The following UNC5D variants were observed in gnomAD, a reference collection of about 807,000 sequenced individuals.
UNC5D encodes netrin receptor UNC5D.
In UNC5D, 39 loss-of-function variants were observed where a neutral mutation model predicts 105.4. The ratio of observed to expected loss-of-function variants is 0.37; its 90% CI spans 0.29 to 0.48. UNC5D has a LOEUF of 0.48. Ranked by LOEUF, UNC5D falls within the 20% of genes least tolerant of loss-of-function variation. The pLI, the probability that UNC5D is intolerant of heterozygous loss-of-function variation, is 0.98. For synonymous variants in UNC5D, 452 were observed against 450.4 expected, an observed-to-expected ratio of 1.00 and a Z score of -0.04; for missense variants, 991 against 1,202.4, an observed-to-expected ratio of 0.82 and a Z score of 2.60.
At chr8:35,627,401 G>A (rs1225214697) in intron 4 of UNC5D, among the ~76,000 whole-genome samples, 1 of 152,138 alleles carries the variant, frequency 6.6e-6, no homozygotes, top group African/African-American at 2.4e-5. Flanking sequence ...AGCACACTCA[G>A]GGCATCTTTA....
chr8:35,534,017 C>T (rs1215839746), intron 1 of UNC5D, among the ~76,000 whole-genome samples: 1 of 152,092 alleles, frequency 6.6e-6, no homozygotes, highest in East Asian at 1.9e-4. Context: ...CTGCGTCGCT[C>T]ACGCTGGGAA....
intron 15 of UNC5D, among the ~76,000 whole-genome samples, chr8:35,767,323 G>A (rs1163065460): frequency 6.6e-6 from 1 of 152,138 alleles, no homozygotes; most frequent in Non-Finnish European, 1.5e-5. Flanking sequence ...ACTGGTACCA[G>A]GCTTTTGATA....
chr8:35,759,279 T>TAC, intron 13 of UNC5D, 41 bp from the exon 14 acceptor site: 5 of 1,606,004 alleles, frequency 3.1e-6, no homozygotes, highest in Non-Finnish European at 4.2e-6. Context: ...AGTAGCAGGA[T>TAC]ATTTCATTAT....
At position 35,720,931 on chromosome 8, in the gene UNC5D, G is replaced by A. The variant is rs899457188; in HGVS notation, c.1118-1279G>A. On this transcript the variant is annotated intron_variant, in intron 8 of 16. Transcript: ENST00000404895. Reference sequence around the variant, plus strand: ...TGAACCAGTTCTGCTTGATTTCCTCGTTCACTCTTTAATTTGGTAGCACCC... The same window carrying A: ...TGAACCAGTTCTGCTTGATTTCCTCATTCACTCTTTAATTTGGTAGCACCC... Among the ~76,000 whole-genome samples, 9 of 150,448 alleles carry A rather than the reference G, an allele frequency of 6.0e-5. No individual in the cohort carries two copies. In the South Asian group the frequency reaches 1.0e-3, roughly 18 times the overall value.
At chr8:35,498,084 C>CAAAAAAAAAAAAAAAAAAA (rs58175711) in intron 1 of UNC5D, among the ~76,000 whole-genome samples, 14 of 58,176 alleles carry the variant, frequency 2.4e-4, no homozygotes, top group African/African-American at 4.1e-4. Flanking sequence ...CAAAACAAAA[C>CAAAAAAAAAAAAAAAAAAA]AAAAAAAAAA....
At chr8:35,240,964 G>A (rs747660421) in intron 1 of UNC5D, among the ~76,000 whole-genome samples, 2 of 151,926 alleles carry the variant, frequency 1.3e-5, no homozygotes, top group African/African-American at 2.4e-5. Context: ...TTTGAATTTC[G>A]GCAGAAAATA....
At chr8:35,236,587 C>A (rs915244036) in intron 1 of UNC5D, among the ~76,000 whole-genome samples, 2 of 152,208 alleles carry the variant, frequency 1.3e-5, no homozygotes, top group Non-Finnish European at 2.9e-5. Context: ...CGGGCCCCAC[C>A]GAGCCGCAGG....
intron 1 of UNC5D, among the ~76,000 whole-genome samples, chr8:35,534,773 T>G (rs1814707399): frequency 6.6e-6 from 1 of 152,050 alleles, no homozygotes; most frequent in Non-Finnish European, 1.5e-5. Context: ...TCAAACTTGT[T>G]TTAATATATA....
intron 1 of UNC5D, among the ~76,000 whole-genome samples, chr8:35,427,398 A>C (rs556806530): frequency 6.6e-6 from 1 of 152,310 alleles, no homozygotes; most frequent in African/African-American, 2.4e-5. Context: ...AAAACAGAAC[A>C]ATGGGTCCCG....
chr8:35,710,506 G>A (rs1284781521), intron 8 of UNC5D, among the ~76,000 whole-genome samples: 1 of 152,084 alleles, frequency 6.6e-6, no homozygotes, highest in Non-Finnish European at 1.5e-5. Context: ...GCCGACGTTG[G>A]CCAGACAGTC....
At chr8:35,437,376 A>C (rs1188986007) in intron 1 of UNC5D, among the ~76,000 whole-genome samples, 1 of 152,078 alleles carries the variant, frequency 6.6e-6, no homozygotes, top group African/African-American at 2.4e-5. Context: ...TGAAAAAAAA[A>C]AGTAATCCTT....
At chr8:35,720,869 C>T (rs1425670072) in intron 8 of UNC5D, among the ~76,000 whole-genome samples, 1 of 151,500 alleles carries the variant, frequency 6.6e-6, no homozygotes, top group Non-Finnish European at 1.5e-5. Flanking sequence ...TGTGTTCTCC[C>T]TTGAGAATTA....
chr8:35,607,958 C>T (rs888536749), intron 4 of UNC5D, among the ~76,000 whole-genome samples: 1 of 152,152 alleles, frequency 6.6e-6, no homozygotes, highest in African/African-American at 2.4e-5. Context: ...GTGTTCTCCT[C>T]TCTGTGTCTT....
intron 7 of UNC5D, among the ~76,000 whole-genome samples, chr8:35,704,358 G>A (rs1333477255): frequency 1.3e-5 from 2 of 152,164 alleles, no homozygotes; most frequent in African/African-American, 4.8e-5. Context: ...AGTGAGTTAG[G>A]GTGAGAAAGA....
intron 1 of UNC5D, among the ~76,000 whole-genome samples, chr8:35,428,751 G>A (rs1000833490): frequency 2.0e-5 from 3 of 151,940 alleles, no homozygotes; most frequent in African/African-American, 4.8e-5. Flanking sequence ...CTTAACTGAA[G>A]CCAAACCAAA....
At chr8:35,700,803 G>A (rs939411388) in intron 7 of UNC5D, among the ~76,000 whole-genome samples, 1 of 152,176 alleles carries the variant, frequency 6.6e-6, no homozygotes, top group Non-Finnish European at 1.5e-5. Flanking sequence ...CAGAGCAGTT[G>A]ACCATGACTC....
intron 7 of UNC5D, among the ~76,000 whole-genome samples, chr8:35,701,719 A>C (rs1318662240): frequency 6.6e-6 from 1 of 152,060 alleles, no homozygotes; most frequent in African/African-American, 2.4e-5. Flanking sequence ...TTGCAGAACA[A>C]TACATAAAAG....
At chr8:35,528,986 C>T in intron 1 of UNC5D, among the ~76,000 whole-genome samples, 2 of 87,534 alleles carry the variant, frequency 2.3e-5, no homozygotes, top group African/African-American at 5.0e-5. Flanking sequence ...AATTTTCTCC[C>T]ATTTTGTAGG....
chr8:35,692,543 G>T (rs901103460), intron 7 of UNC5D, among the ~76,000 whole-genome samples: 1 of 152,160 alleles, frequency 6.6e-6, no homozygotes, highest in South Asian at 2.1e-4. Context: ...TATAATGGAT[G>T]AGTGTCCCTT....
Sources: gnomAD v4.1 joint callset for allele counts (sites outside exome capture counted in the v4.1 genomes callset) on GRCh38, gnomAD v4.1.1 for gene constraint, MANE v1.5 for transcripts, NCBI Gene and HGNC (gene_info 2026-07-23, HGNC 2026-07-21) for gene names.